Variants in ARPC1B observed in about 807,000 individuals in gnomAD.
The protein encoded by ARPC1B is actin related protein 2/3 complex subunit 1B.
ARPC1B carries 29 observed loss-of-function variants against 46.0 expected under a neutral mutation model. The ratio of observed to expected loss-of-function variants is 0.63; its 90% CI spans 0.47 to 0.86. The LOEUF is 0.86. Among genes scored for constraint, ARPC1B ranks in the 40% least tolerant of loss-of-function variants. The pLI is 0.00. For missense variants in ARPC1B, 469 were observed against 529.4 expected, an observed-to-expected ratio of 0.89 and a Z score of 1.12; for synonymous variants, 201 against 213.9, an observed-to-expected ratio of 0.94 and a Z score of 0.53.
At chr7:99,384,736 C>T (rs1356036898) in intron 1 of ARPC1B, among the ~76,000 whole-genome samples, 1 of 152,146 alleles carries the variant, frequency 6.6e-6, no homozygotes, top group Non-Finnish European at 1.5e-5. Context: ...TGAGCCCCTG[C>T]AGACCGGCCA....
Position 99,392,896 on chromosome 7 carries a change from CGGCGGGTG to C in ARPC1B, c.989+27_989+34del, listed in dbSNP as rs1056423826. The C allele has an allele frequency of 1.1e-5, 17 of 1,522,946 alleles. No homozygotes were observed. The highest frequency in any genetic ancestry group is 9.9e-5 in the East Asian group (4 of 40,210). The allele number at this position is 1,522,946 out of a possible 1,614,324, so 94.3% of individuals were successfully genotyped here. On this transcript the variant is annotated intron_variant, in intron 8 of 9. Transcript: ENST00000646101. ...CGTCAGGTGAGAGCGGGAGCCGGGCCGGCGGGTGGGCGGGGCCTCGGCTCGCCCAGAAA... is the reference window on the plus strand; with the variant it reads ...CGTCAGGTGAGAGCGGGAGCCGGGCCGGCGGGGCCTCGGCTCGCCCAGAAA...
chr7:99,393,258 A>G (rs900804247), intron 8 of ARPC1B, among the ~76,000 whole-genome samples: 1 of 152,194 alleles, frequency 6.6e-6, no homozygotes, highest in African/African-American at 2.4e-5. Flanking sequence ...GTGCTAGTGG[A>G]GCCTGGGAGG....
intron 3 of ARPC1B, 146 bp from the exon 4 acceptor site, chr7:99,387,893 C>T (rs1794443250): frequency 4.8e-6 from 3 of 620,538 alleles, no homozygotes; most frequent in Admixed American, 2.9e-5. Flanking sequence ...GAGCGAGACT[C>T]TGTTTCAAAA....
Position 99,388,087 on chromosome 7 carries a change from A to T in ARPC1B, c.218A>T (p.Asp73Val). The T allele has an allele frequency of 6.2e-7, 1 of 1,613,620 alleles. No homozygotes were observed. Among genetic ancestry groups the T allele is most frequent in the Non-Finnish European group, 8.5e-7 (1 of 1,179,662 alleles). Residue 73 changes from aspartate (D) to valine (V), a missense_variant, in exon 4 of 10, where the codon GAC becomes GTC. By Grantham distance (152) the Asp-to-Val change is radical. Transcript: ENST00000646101. ...ESNRIVTCGT[D>V]RNAYVWTLKG... ...AACCGTATTGTGACCTGCGGCACAGACCGCAACGCCTACGTGTGGACGCTG... is the reference window on the plus strand; with the variant it reads ...AACCGTATTGTGACCTGCGGCACAGTCCGCAACGCCTACGTGTGGACGCTG...
intron 4 of ARPC1B, 109 bp downstream of exon 4, chr7:99,388,370 G>A: frequency 9.2e-7 from 1 of 1,091,300 alleles, no homozygotes. Context: ...CCATCACCCT[G>A]GGGGAGTCCA....
intron 8 of ARPC1B, among the ~76,000 whole-genome samples, chr7:99,393,498 G>A (rs904876282): frequency 6.6e-6 from 1 of 152,026 alleles, no homozygotes; most frequent in South Asian, 2.1e-4. Flanking sequence ...AGGTGGGGGC[G>A]GAGCTGAGGG....
Position 99,385,676 on chromosome 7 carries a change from A to C in ARPC1B, c.-13-26A>C, listed in dbSNP as rs978063207. 6.3e-6 allele frequency: 10 copies of C among 1,593,188 alleles called. No individual in the cohort carries two copies. The African/African-American group carries it at 9.4e-5, about 15-fold the overall frequency. On this transcript the variant is annotated intron_variant, in intron 1 of 9. Transcript: ENST00000646101. ...AGGGGCAAGGTTGGGGCTGACGTGGATTCTCTCTTCCTCTCTCGGGCACAG... is the reference window on the plus strand; with the variant it reads ...AGGGGCAAGGTTGGGGCTGACGTGGCTTCTCTCTTCCTCTCTCGGGCACAG...
At chr7:99,387,022 T>C (rs1475279925) in intron 3 of ARPC1B, among the ~76,000 whole-genome samples, 1 of 152,232 alleles carries the variant, frequency 6.6e-6, no homozygotes, top group Non-Finnish European at 1.5e-5. Context: ...CAAGAACCCA[T>C]CTTTTCTGCC....
Position 99,388,218 on chromosome 7 carries a change from T to A in ARPC1B, c.349T>A (p.Ser117Thr). The A allele has an allele frequency of 6.2e-7, 1 of 1,614,170 alleles. No individual in the cohort carries two copies. The highest frequency in any genetic ancestry group is 8.5e-7 in the Non-Finnish European group (1 of 1,180,020). The change falls in exon 4 of 10, where the codon TCT (serine) becomes ACT (threonine). Residue 117 changes from serine (S) to threonine (T), a missense_variant. By Grantham distance (58) the Ser-to-Thr change is moderately conservative. Transcript: ENST00000646101. ...NENKFAVGSG[S>T]RVISICYFEQ... ...GAACAAGTTTGCTGTGGGCAGCGGC[T>A]CTCGTGTGATCTCCATCTGTTATTT...
At chr7:99,375,027 GGA>G (rs1216241369) in intron 1 of ARPC1B, among the ~76,000 whole-genome samples, 1 of 150,978 alleles carries the variant, frequency 6.6e-6, no homozygotes, top group Non-Finnish European at 1.5e-5. Flanking sequence ...CTCACGGAAA[GGA>G]GAGGGAGCCC....
At chr7:99,390,784 ACCT>A (rs915079966) in intron 5 of ARPC1B, 106 bp from the exon 6 acceptor site, 106 of 922,778 alleles carry the variant, frequency 1.1e-4, no homozygotes, top group Non-Finnish European at 1.7e-4. Flanking sequence ...TGCAGCCTTG[ACCT>A]CCTGGGTTCA....
chr7:99,389,524 G>A (rs73148807), intron 4 of ARPC1B: 7,400 of 181,888 alleles, frequency 0.041, 209 homozygotes, highest in Non-Finnish European at 0.058. Flanking sequence ...GCCAGTCCAC[G>A]TCTTAGTTTT....
In ARPC1B at chr7:99,390,848, C is replaced by T. The variant is rs778837318; in HGVS notation, c.501-45C>T. The stretch of plus-strand genomic sequence containing the variant: ...GAGTAGCTGAGAGTACAGGTGCGCA[C>T]CACCATGCCTGGCTACTTTACCTCT... On this transcript the variant is annotated intron_variant, in intron 5 of 9. Transcript: ENST00000646101. 7.1e-6 allele frequency: 11 copies of T among 1,540,936 alleles called. No individual in the cohort carries two copies. In the African/African-American group the frequency reaches 1.5e-4, roughly 21 times the overall value.
intron 1 of ARPC1B, among the ~76,000 whole-genome samples, chr7:99,385,079 C>G (rs551151578): frequency 6.6e-4 from 99 of 150,438 alleles, no homozygotes; most frequent in Admixed American, 1.7e-3. Flanking sequence ...CATTCTCCTG[C>G]CTCAGGCTGG....
Position 99,394,045 on chromosome 7 carries a change from A to G in ARPC1B, c.1006A>G (p.Ser336Gly). The G allele has an allele frequency of 6.2e-7, 1 of 1,613,162 alleles. No individual in the cohort carries two copies. Among genetic ancestry groups the G allele is most frequent in the African/African-American group, 1.3e-5 (1 of 75,068 alleles). ...KNSVSQISVLSGGKAKCSQFC... is the reference protein window; with the variant it reads ...KNSVSQISVLGGGKAKCSQFC... ...TCTTTGCAGCCAGATCTCGGTGCTCAGCGGCGGCAAGGCCAAGTGCTCGCA... is the reference window on the plus strand; with the variant it reads ...TCTTTGCAGCCAGATCTCGGTGCTCGGCGGCGGCAAGGCCAAGTGCTCGCA... The change falls in exon 9 of 10, where the codon AGC (serine) becomes GGC (glycine). Residue 336 changes from serine to glycine, a missense_variant. Ser to Gly is a moderately conservative substitution (Grantham distance 56). Transcript: ENST00000646101.
chr7:99,392,973 AT>A, intron 8 of ARPC1B, 97 bp downstream of exon 8: 2 of 1,283,008 alleles, frequency 1.6e-6, no homozygotes, highest in Non-Finnish European at 2.1e-6. Flanking sequence ...CTCCTGGGGC[AT>A]TGTGCTGGGA....
intron 1 of ARPC1B, among the ~76,000 whole-genome samples, chr7:99,384,600 C>G (rs954368932): frequency 5.9e-5 from 9 of 152,198 alleles, no homozygotes; most frequent in African/African-American, 9.6e-5. Context: ...CACCCTGGGG[C>G]CTCCCCAAGA....
At chr7:99,384,310 G>C (rs919356694) in intron 1 of ARPC1B, 2 of 152,528 alleles carry the variant, frequency 1.3e-5, no homozygotes, top group East Asian at 3.9e-4. Flanking sequence ...CGTTCTGGCC[G>C]AGTGTAGTGG....
At chr7:99,379,036 C>T (rs1428813929) in intron 1 of ARPC1B, among the ~76,000 whole-genome samples, 1 of 152,120 alleles carries the variant, frequency 6.6e-6, no homozygotes, top group Non-Finnish European at 1.5e-5. Flanking sequence ...CTCGGCCTCC[C>T]AAAGTGCTGG....
Sources: gnomAD v4.1 joint callset for allele counts (sites outside exome capture counted in the v4.1 genomes callset) on GRCh38, gnomAD v4.1.1 for gene constraint, MANE v1.5 for transcripts, NCBI Gene and HGNC (gene_info 2026-07-23, HGNC 2026-07-21) for gene names.